Variants in NR2C1 observed in about 807,000 individuals in gnomAD.
NR2C1 encodes TR2 nuclear hormone receptor.
A neutral mutation model predicts 74.8 loss-of-function variants in NR2C1; 33 were observed. That is an observed-to-expected ratio of 0.44 (90% CI 0.33 to 0.59). NR2C1 has a LOEUF of 0.59. NR2C1 is among the 20% of genes least tolerant of loss of function. The pLI is 0.02. For synonymous variants in NR2C1, 225 were observed against 240.6 expected (o/e 0.94, Z 0.60); for missense variants, 568 against 715.6 (o/e 0.79, Z 2.35).
chr12:95,040,795 C>A (rs1041114787), intron 9 of NR2C1, among the ~76,000 whole-genome samples, 198 bp from the exon 10 acceptor site: 3 of 152,160 alleles, frequency 2.0e-5, no homozygotes, highest in African/African-American at 7.2e-5. Flanking sequence ...TAGTTTCTAA[C>A]AAGCCAATAT....
Position 95,022,347 on chromosome 12 carries a change from G to A in NR2C1, c.1694C>T (p.Thr565Ile). ...PALRLMNATITEELFFKGLIG... is the reference protein window; with the variant it reads ...PALRLMNATIIEELFFKGLIG... ...GAGACCTTTGAAAAACAATTCTTCA[G>A]TGATGGTAGCATTCATCAGTCTTAA... Residue 565 changes from threonine to isoleucine, a missense_variant, in exon 14 of 14, where the codon ACT becomes ATT. Coordinates refer to ENST00000333003, the MANE Select transcript of NR2C1 (RefSeq NM_003297.4). 1.2e-6 allele frequency: 2 copies of A among 1,613,578 alleles called. No individual in the cohort carries two copies. The highest frequency in any genetic ancestry group is 1.7e-6 in the Non-Finnish European group (2 of 1,179,802).
chr12:95,037,864 C>T (rs1592739244), intron 10 of NR2C1, among the ~76,000 whole-genome samples: 1 of 136,764 alleles, frequency 7.3e-6, no homozygotes, highest in African/African-American at 2.8e-5. Context: ...CACTGCACTC[C>T]AGTCTGGGCG....
rs572580689 is a variant in NR2C1 at position 95,044,967 on chromosome 12, G to C, written c.1131+4101C>G. ...ATAATCTCAGCACTTTTGGGAGGTC[G>C]AGGTGGGAAGATCATTGCTTGTGGC... On this transcript the variant is annotated intron_variant, in intron 9 of 13. Coordinates refer to ENST00000333003, the MANE Select transcript of NR2C1 (RefSeq NM_003297.4). Among the ~76,000 whole-genome samples the C allele has an allele frequency of 3.9e-5, 6 of 152,278 alleles. No individual in the cohort carries two copies. In the South Asian group the frequency reaches 1.2e-3, roughly 32 times the overall value.
rs1381797877 is a variant in NR2C1, at chr12:95,040,570, A to G, written c.1159T>C (p.Tyr387His). The change falls in exon 10 of 14, where the codon TAC becomes CAC. Residue 387 changes from tyrosine (Y) to histidine (H), a missense_variant. By Grantham distance (83) the Tyr-to-His change is moderately conservative. This residue lies in a region of NR2C1 where 39 missense variants were observed against 64.6 expected (regional missense o/e 0.60). Coordinates refer to ENST00000333003, the MANE Select transcript of NR2C1 (RefSeq NM_003297.4). ...RLTMPSPMPE[Y>H]LNVHYIGESA... ...TCCCCAATGTAGTGCACATTCAGGT[A>G]CTCAGGCATAGGAGAAGGCATGGTG... 6.8e-6 allele frequency: 11 copies of G among 1,613,382 alleles called. No individual in the cohort carries two copies. The highest frequency in any genetic ancestry group is 4.0e-5 in the African/African-American group (3 of 74,932).
intron 10 of NR2C1, 107 bp from the exon 11 acceptor site, chr12:95,031,595 T>TA (rs1182008337): frequency 2.6e-6 from 2 of 773,932 alleles, no homozygotes; most frequent in African/African-American, 3.7e-5. Flanking sequence ...TAAACTAAAA[T>TA]TATTCTAGAA....
intron 7 of NR2C1, among the ~76,000 whole-genome samples, chr12:95,057,342 C>T (rs188461525): frequency 4.2e-4 from 63 of 151,394 alleles, no homozygotes; most frequent in East Asian, 3.1e-3. Context: ...TGACCTCAAG[C>T]GATCCATGTG....
At chr12:95,059,667 C>T (rs1234603135) in intron 4 of NR2C1, among the ~76,000 whole-genome samples, 3 of 152,146 alleles carry the variant, frequency 2.0e-5, no homozygotes, top group Admixed American at 6.5e-5. Context: ...GCTGAGATCA[C>T]GCCACTGCAT....
chr12:95,028,179 T>G (rs1232842910), intron 12 of NR2C1: 1 of 472,412 alleles, frequency 2.1e-6, no homozygotes, highest in African/African-American at 2.0e-5. Context: ...CATTCTTGCA[T>G]AGATATATAT....
chr12:95,034,308 T>C (rs1041539401), intron 10 of NR2C1, among the ~76,000 whole-genome samples: 1 of 152,116 alleles, frequency 6.6e-6, no homozygotes, highest in South Asian at 2.1e-4. Flanking sequence ...AAAGTTTAAA[T>C]GCAAAGAAAA....
intron 7 of NR2C1, among the ~76,000 whole-genome samples, chr12:95,053,681 G>GTTTTTTTTTTTTTTTTTTTT (rs550069594): frequency 1.9e-5 from 2 of 103,414 alleles, no homozygotes; most frequent in African/African-American, 4.0e-5. Context: ...TCTTTTTGGT[G>GTTTTTTTTTTTTTTTTTTTT]TTTTTTTTTT....
rs770188635 is a variant in NR2C1 at position 95,020,492 on chromosome 12, T to C, written c.*1737A>G. The C allele has an allele frequency of 6.6e-6, 1 of 152,198 alleles. No homozygotes were observed. Among genetic ancestry groups the C allele is most frequent in the Non-Finnish European group, 1.5e-5 (1 of 68,022 alleles). 9.4% of individuals were successfully genotyped at this position (152,198 alleles called of 1,614,324 possible). A position where few individuals can be genotyped will look rare whatever the true frequency, so the allele number is the denominator to read the frequency against. ...ATTATACTAAATGTAATTTAGCTGA[T>C]AATTATAAATAAAATTGTTGACTAA... On this transcript the variant is annotated 3_prime_UTR_variant, in exon 14 of 14. Coordinates refer to ENST00000333003, the MANE Select transcript of NR2C1 (RefSeq NM_003297.4).
At position 95,022,264 on chromosome 12, in the gene NR2C1, C is replaced by G. The variant is rs773687972; in HGVS notation, c.1777G>C (p.Asp593His). Reference protein sequence around the residue: ...IPHILKMEPADYNSQIIGHSI With the variant: ...IPHILKMEPAHYNSQIIGHSI ...TGACCAATTATTTGAGAGTTATAATCTGCAGGCTCCATTTTCAAAATATGT... is the reference window on the plus strand; with the variant it reads ...TGACCAATTATTTGAGAGTTATAATGTGCAGGCTCCATTTTCAAAATATGT... The change falls in exon 14 of 14, where the codon GAT becomes CAT. Residue 593 changes from aspartate (D) to histidine (H), a missense_variant. Transcript: ENST00000333003. 9.3e-6 allele frequency: 15 copies of G among 1,612,302 alleles called. No individual in the cohort carries two copies. Among genetic ancestry groups the G allele is most frequent in the African/African-American group, 4.0e-5 (3 of 74,832 alleles).
chr12:95,056,398 C>G (rs1387248350), intron 7 of NR2C1, among the ~76,000 whole-genome samples: 2 of 152,292 alleles, frequency 1.3e-5, no homozygotes, highest in Non-Finnish European at 2.9e-5. Context: ...AGAAACTCTT[C>G]ATGTTCAATT....
rs1318737158 is a variant in NR2C1 at position 95,022,044 on chromosome 12, A to G, written c.*185T>C. The stretch of plus-strand genomic sequence containing the variant: ...TTAAAGGAATCAGGAAGAAAAATTC[A>G]TTTAATTTCTGCTGCCTGCCCAGTC... On this transcript the variant is annotated 3_prime_UTR_variant, in exon 14 of 14. Coordinates refer to ENST00000333003, the MANE Select transcript of NR2C1 (RefSeq NM_003297.4). 8.7e-6 allele frequency: 4 copies of G among 459,534 alleles called. No individual in the cohort carries two copies. Among genetic ancestry groups the G allele is most frequent in the African/African-American group, 2.0e-5 (1 of 49,054 alleles). 28.5% of individuals were successfully genotyped at this position (459,534 alleles called of 1,614,324 possible). A position where few individuals can be genotyped will look rare whatever the true frequency, so the allele number is the denominator to read the frequency against.
At position 95,021,987 on chromosome 12, in the gene NR2C1, CCAAG is replaced by C. The variant is rs1237745866; in HGVS notation, c.*238_*241del. On this transcript the variant is annotated 3_prime_UTR_variant, in exon 14 of 14. Coordinates refer to ENST00000333003, the MANE Select transcript of NR2C1 (RefSeq NM_003297.4). The stretch of plus-strand genomic sequence containing the variant: ...GTGACAGCTTCAGGTATCATCTTCA[CCAAG>C]AATAAATTTGTAGTGTTTCATATTC... 1.3e-5 allele frequency: 4 copies of C among 312,354 alleles called. No homozygotes were observed. Among genetic ancestry groups the C allele is most frequent in the Non-Finnish European group, 5.8e-6 (1 of 172,854 alleles). The allele number at this position is 312,354 out of a possible 1,614,324, so 19.3% of individuals were successfully genotyped here.
intron 9 of NR2C1, among the ~76,000 whole-genome samples, chr12:95,041,343 G>A (rs942489796): frequency 6.6e-6 from 1 of 151,926 alleles, no homozygotes; most frequent in Non-Finnish European, 1.5e-5. Flanking sequence ...AAAAAAAATT[G>A]AGCCGTGTGT....
chr12:95,030,940 T>A (rs1330856444), intron 11 of NR2C1: 3 of 1,187,566 alleles, frequency 2.5e-6, no homozygotes, highest in Non-Finnish European at 3.7e-6. Flanking sequence ...GGTGAGAGAA[T>A]ACACTCTGAT....
At chr12:95,024,254 C>T (rs1265620812) in intron 13 of NR2C1, among the ~76,000 whole-genome samples, 1 of 152,058 alleles carries the variant, frequency 6.6e-6, no homozygotes, top group African/African-American at 2.4e-5. Flanking sequence ...ACTTATATAG[C>T]CCTTACTGTA....
rs1481893824 is a variant in NR2C1 at position 95,030,359 on chromosome 12, AAC to A, written c.1393+988_1393+989del. 10 of 901,572 alleles carry A rather than the reference AAC, an allele frequency of 1.1e-5. No individual in the cohort carries two copies. In the African/African-American group the frequency reaches 1.2e-4, roughly 11 times the overall value. 55.8% of individuals were successfully genotyped at this position (901,572 alleles called of 1,614,324 possible). A position where few individuals can be genotyped will look rare whatever the true frequency, so the allele number is the denominator to read the frequency against. The stretch of plus-strand genomic sequence containing the variant: ...TCACTACCAAGACTACTATAATAAA[AAC>A]AGATATTTAGTAAAAACACTGTTAA... On this transcript the variant is annotated intron_variant, in intron 11 of 13. Transcript: ENST00000333003.
Sources: allele counts gnomAD v4.1 joint callset (sites outside exome capture counted in the v4.1 genomes callset), GRCh38; gene constraint gnomAD v4.1.1; regional missense constraint gnomAD v4.1.1; transcripts MANE v1.5; gene names NCBI Gene and HGNC (gene_info 2026-07-23, HGNC 2026-07-21).